C12orf54: variants seen among roughly 807,000 people sequenced by gnomAD.
C12orf54 encodes uncharacterized protein C12orf54.
In C12orf54, 24 loss-of-function variants were observed where a neutral mutation model predicts 26.4. The observed-to-expected ratio is 0.91, with a 90% CI of 0.66 to 1.28. The LOEUF (loss-of-function observed/expected upper bound fraction) is 1.28. C12orf54 is among the 50% of genes most tolerant of loss of function. C12orf54 has a pLI of 0.00. For synonymous variants in C12orf54, 54 were observed against 47.0 expected, an observed-to-expected ratio of 1.15 and a Z score of -0.61; for missense variants, 154 against 150.9, an observed-to-expected ratio of 1.02 and a Z score of -0.11.
intron 4 of C12orf54, chr12:48,487,910 C>T: frequency 1.7e-6 from 1 of 594,458 alleles, no homozygotes. Context: ...TTATAAGAAA[C>T]TGCCAGCCCT....
chr12:48,423,193 T>A, the C12orf54 span, among the ~76,000 whole-genome samples: 2 of 152,086 alleles, frequency 1.3e-5, no homozygotes, highest in Non-Finnish European at 2.9e-5. Flanking sequence ...AACGTACACT[T>A]GTAGGGTGAG....
At chr12:48,444,012 GA>G in the C12orf54 span, among the ~76,000 whole-genome samples, 1 of 152,140 alleles carries the variant, frequency 6.6e-6, no homozygotes, top group African/African-American at 2.4e-5. Flanking sequence ...CAGAATTAAA[GA>G]AAAACTTTTT....
At chr12:48,463,447 T>A in the C12orf54 span, among the ~76,000 whole-genome samples, 63 of 151,596 alleles carry the variant, frequency 4.2e-4, no homozygotes, top group African/African-American at 1.5e-3. Context: ...CTACCAACTT[T>A]AAAAAGCCCA....
chr12:48,413,740 G>A, the C12orf54 span, among the ~76,000 whole-genome samples: 1 of 152,190 alleles, frequency 6.6e-6, no homozygotes, highest in Non-Finnish European at 1.5e-5. Flanking sequence ...GGATTATAGA[G>A]TTTGCTTTAT....
the C12orf54 span, among the ~76,000 whole-genome samples, chr12:48,423,008 C>T: frequency 9.2e-5 from 14 of 152,038 alleles, no homozygotes; most frequent in African/African-American, 2.4e-4. Flanking sequence ...AACTATGTCA[C>T]GAAGATTTTA....
chr12:48,433,663 GGTC>G, the C12orf54 span, among the ~76,000 whole-genome samples: 1 of 152,100 alleles, frequency 6.6e-6, no homozygotes, highest in African/African-American at 2.4e-5. Context: ...TAGCCAGGAT[GGTC>G]TTGATCTCTT....
the C12orf54 span, among the ~76,000 whole-genome samples, chr12:48,445,618 C>T: frequency 0.34 from 51,430 of 151,952 alleles, 10,747 homozygotes; most frequent in Middle Eastern, 0.48. Context: ...TGGCATAATG[C>T]GGGCTTTCAG....
the C12orf54 span, among the ~76,000 whole-genome samples, chr12:48,419,723 C>A: frequency 6.6e-6 from 1 of 152,014 alleles, no homozygotes; most frequent in Non-Finnish European, 1.5e-5. Context: ...AAGGAGCTGG[C>A]CAGAGATATC....
At chr12:48,453,868 T>C in the C12orf54 span, among the ~76,000 whole-genome samples, 1 of 151,876 alleles carries the variant, frequency 6.6e-6, no homozygotes, top group East Asian at 1.9e-4. Context: ...TCATTTATTC[T>C]GACCTTGAGA....
At chr12:48,444,592 T>A in the C12orf54 span, among the ~76,000 whole-genome samples, 1 of 152,230 alleles carries the variant, frequency 6.6e-6, no homozygotes, top group Non-Finnish European at 1.5e-5. Flanking sequence ...GTTAGCATTA[T>A]TCAAGGGGTC....
chr12:48,485,345 G>A (rs1954248057), intron 2 of C12orf54, among the ~76,000 whole-genome samples: 1 of 152,106 alleles, frequency 6.6e-6, no homozygotes, highest in East Asian at 1.9e-4. Context: ...GCCCAAGCTG[G>A]TCTTGAACTA....
At chr12:48,450,981 G>T in the C12orf54 span, among the ~76,000 whole-genome samples, 1 of 151,940 alleles carries the variant, frequency 6.6e-6, no homozygotes, top group Non-Finnish European at 1.5e-5. Context: ...ATTCTATGAG[G>T]CCAGCATCAT....
chr12:48,413,182 G>A, the C12orf54 span, among the ~76,000 whole-genome samples: 19 of 152,136 alleles, frequency 1.2e-4, no homozygotes, highest in African/African-American at 4.6e-4. Context: ...TTCAAATTCA[G>A]CATTTAACTA....
At chr12:48,443,853 G>T in the C12orf54 span, among the ~76,000 whole-genome samples, 2 of 152,250 alleles carry the variant, frequency 1.3e-5, no homozygotes, top group South Asian at 2.1e-4. Context: ...TATCTTTTGT[G>T]TTCATACTGC....
At chr12:48,492,828 C>T in intron 6 of C12orf54, 119 bp from the exon 7 acceptor site, 2 of 833,860 alleles carry the variant, frequency 2.4e-6, no homozygotes, top group South Asian at 1.5e-5. Flanking sequence ...GGTCAGTGTC[C>T]CTTCAAGTCT....
the C12orf54 span, among the ~76,000 whole-genome samples, chr12:48,469,566 G>A: frequency 5.3e-5 from 8 of 151,968 alleles, no homozygotes; most frequent in South Asian, 1.7e-3. Context: ...ATCATCACAG[G>A]GTCCTGAGGC....
At chr12:48,432,432 C>A in the C12orf54 span, among the ~76,000 whole-genome samples, 1 of 152,180 alleles carries the variant, frequency 6.6e-6, no homozygotes, top group Admixed American at 6.6e-5. Flanking sequence ...AAAAAGAACT[C>A]TCTTAATAAC....
chr12:48,476,960 A>G, the C12orf54 span, among the ~76,000 whole-genome samples: 1 of 152,174 alleles, frequency 6.6e-6, no homozygotes. Context: ...TCAGCACCAC[A>G]CCACACCTAT....
chr12:48,481,171 G>A (rs1954194247), upstream of C12orf54, among the ~76,000 whole-genome samples: 2 of 151,638 alleles, frequency 1.3e-5, no homozygotes, highest in Non-Finnish European at 1.5e-5. Context: ...ACCTACATGT[G>A]TATCCTCTGA....
Sources: gnomAD v4.1 joint callset for allele counts (sites outside exome capture counted in the v4.1 genomes callset) on GRCh38, gnomAD v4.1.1 for gene constraint, MANE v1.5 for transcripts, NCBI Gene and HGNC (gene_info 2026-07-23, HGNC 2026-07-21) for gene names.